The following ZNF215 variants were observed in gnomAD, a reference collection of about 807,000 sequenced individuals.
ZNF215 encodes the protein zinc finger protein 215.
In ZNF215, 24 loss-of-function variants were observed where a neutral mutation model predicts 27.2. The observed-to-expected ratio is 0.88, with a 90% CI of 0.64 to 1.24. The LOEUF is 1.24. ZNF215 is among the 50% of genes most tolerant of loss of function. The pLI is 0.00. For missense variants in ZNF215, 675 were observed against 605.7 expected (o/e 1.11, Z -1.20); for synonymous variants, 210 against 204.0 (o/e 1.03, Z -0.25).
downstream of ZNF215, among the ~76,000 whole-genome samples, chr11:6,987,837 C>T (rs1340940876): frequency 6.6e-6 from 1 of 152,160 alleles, no homozygotes; most frequent in Non-Finnish European, 1.5e-5. Context: ...AACCCCACCT[C>T]TGACAAATTA....
At chr11:6,949,602 A>G (rs953018795) in intron 6 of ZNF215, among the ~76,000 whole-genome samples, 5 of 151,930 alleles carry the variant, frequency 3.3e-5, no homozygotes, top group East Asian at 3.9e-4. Context: ...TTGTAAATTT[A>G]TTTGAGTTCA....
At chr11:6,964,831 G>T (rs1438119493) in intron 5 of ZNF215, among the ~76,000 whole-genome samples, 1 of 151,816 alleles carries the variant, frequency 6.6e-6, no homozygotes, top group Non-Finnish European at 1.5e-5. Context: ...TTTTGTATAT[G>T]TGTCTTTTAA....
intron 6 of ZNF215, among the ~76,000 whole-genome samples, chr11:6,954,723 C>A (rs939752194): frequency 6.6e-6 from 1 of 152,208 alleles, no homozygotes; most frequent in Non-Finnish European, 1.5e-5. Flanking sequence ...TCGGCTTGCG[C>A]AGGGTGCACT....
At chr11:6,990,049 C>G (rs982502362), downstream of ZNF215, among the ~76,000 whole-genome samples, 2 of 152,194 alleles carry the variant, frequency 1.3e-5, no homozygotes, top group African/African-American at 4.8e-5. Flanking sequence ...CCAATCAGAT[C>G]ATGCTTCATT....
At position 6,943,606 on chromosome 11, in the gene ZNF215, T is replaced by A; in HGVS notation, c.677T>A (p.Ile226Lys). The A allele has an allele frequency of 6.2e-7, 1 of 1,614,006 alleles. No individual in the cohort carries two copies. Reference sequence around the variant, plus strand: ...TTGGAGAGTAAGAAAAAAAGATGGATAATGGAGAAAGAAATACCAAGGAAG... The same window carrying A: ...TTGGAGAGTAAGAAAAAAAGATGGAAAATGGAGAAAGAAATACCAAGGAAG... The part of the protein sequence containing the change: ...LKLESKKKRW[I>K]MEKEIPRKTI... The change falls in exon 6 of 7, where the codon ATA becomes AAA. Residue 226 changes from isoleucine (I) to lysine (K), a missense_variant. Ile to Lys is a moderately radical substitution (Grantham distance 102). Coordinates refer to ENST00000278319, the MANE Select transcript of ZNF215 (RefSeq NM_013250.4).
At chr11:6,984,597 T>G (rs1368650702) in exon 6 of ZNF215, 1 of 152,238 alleles carries the variant, frequency 6.6e-6, no homozygotes, top group Non-Finnish European at 1.5e-5. Context: ...ATATTGTGCA[T>G]ATACTGAAAT....
chr11:6,932,365 G>T lies in ZNF215; in HGVS notation c.93G>T (p.Trp31Cys), dbSNP rs201728795. ...AGGTTCTGAGAGCAGATATGTCTTG[G>T]CAGCAGGAAACCAACCCCGTCGTGG... is the stretch of plus-strand genomic sequence containing the variant. ...QREVLRADMS[W>C]QQETNPVVET... is the part of the protein sequence containing the mutation. Residue 31 changes from tryptophan (W) to cysteine (C), a missense_variant, in exon 3 of 7, where the codon TGG (tryptophan) becomes TGT (cysteine). Trp to Cys is a radical substitution (Grantham distance 215, BLOSUM62 -2). Transcript: ENST00000278319. 6.2e-7 allele frequency: 1 copy of T among 1,614,152 alleles called. No homozygotes were observed. The highest frequency in any genetic ancestry group is 1.3e-5 in the African/African-American group (1 of 75,010).
intron 5 of ZNF215, among the ~76,000 whole-genome samples, chr11:6,964,311 A>G (rs1008912544): frequency 2.0e-5 from 3 of 152,016 alleles, no homozygotes; most frequent in African/African-American, 7.2e-5. Context: ...CATTTTATCA[A>G]TTGTTTCTCT....
chr11:6,949,392 A>G (rs1849958299), intron 6 of ZNF215, among the ~76,000 whole-genome samples: 1 of 152,072 alleles, frequency 6.6e-6, no homozygotes, highest in Non-Finnish European at 1.5e-5. Flanking sequence ...CTGTTTCTCC[A>G]CATCCTCTCC....
intron 2 of ZNF215, 32 bp from the exon 3 acceptor site, chr11:6,932,062 T>C (rs1849281499): frequency 1.9e-6 from 1 of 525,586 alleles, no homozygotes; most frequent in East Asian, 2.9e-5. Context: ...TAGATGTTTG[T>C]TCCCTGTGGG....
At position 6,956,100 on chromosome 11, in the gene ZNF215, A is replaced by G; in HGVS notation, c.1123A>G (p.Thr375Ala). 6.2e-7 allele frequency: 1 copy of G among 1,613,436 alleles called. No individual in the cohort carries two copies. Among genetic ancestry groups the G allele is most frequent in the Non-Finnish European group, 8.5e-7 (1 of 1,179,904 alleles). ...TATTCGACACCAAAAAAGTCATACTACAATGAATTCCTATGAATGTTATCA... is the reference window on the plus strand; with the variant it reads ...TATTCGACACCAAAAAAGTCATACTGCAATGAATTCCTATGAATGTTATCA... ...TDIRHQKSHT[T>A]MNSYECYQCG... Residue 375 changes from threonine (T) to alanine (A), a missense_variant, in exon 7 of 7, where the codon ACA (threonine) becomes GCA (alanine). Thr to Ala is a moderately conservative substitution (Grantham distance 58, BLOSUM62 0). Transcript: ENST00000278319.
At chr11:6,952,645 G>T (rs1361430203) in intron 6 of ZNF215, among the ~76,000 whole-genome samples, 1 of 151,920 alleles carries the variant, frequency 6.6e-6, no homozygotes, top group African/African-American at 2.4e-5. Context: ...CATGAGATGG[G>T]TTTCCTGAAT....
intron 5 of ZNF215, among the ~76,000 whole-genome samples, chr11:6,972,220 T>C (rs1172100035): frequency 1.3e-5 from 2 of 152,074 alleles, no homozygotes; most frequent in Non-Finnish European, 2.9e-5. Context: ...GTAAATATTT[T>C]AGACTTTATA....
At chr11:6,950,417 G>A (rs1850007255) in intron 6 of ZNF215, among the ~76,000 whole-genome samples, 2 of 152,060 alleles carry the variant, frequency 1.3e-5, no homozygotes, top group South Asian at 4.2e-4. Flanking sequence ...TTGAGCAGTG[G>A]TTTGTAGTTC....
rs867216298 is a variant in ZNF215, at chr11:6,980,733, A to G, written c.806-3396A>G. On this transcript the variant is annotated intron_variant, in intron 5 of 5. Coordinates refer to the ZNF215 transcript ENST00000529903. ...ATTAACTCGTCATTTAGCATTAGGT[A>G]TATCTCCTAAAGCTATCCCTCCCCC... 9.6e-3 allele frequency among the ~76,000 whole-genome samples: 1,404 copies of G among 146,530 alleles called. 26 individuals carry two copies. Among genetic ancestry groups the G allele is most frequent in the African/African-American group, 0.033 (1,333 of 39,966 alleles).
At chr11:6,949,833 C>T (rs1445725135) in intron 6 of ZNF215, among the ~76,000 whole-genome samples, 4 of 151,214 alleles carry the variant, frequency 2.6e-5, no homozygotes, top group Admixed American at 2.0e-4. Flanking sequence ...ATGGTAATGC[C>T]TAGGTTTTCT....
At position 6,977,564 on chromosome 11, in the gene ZNF215, A is replaced by G. The variant is rs139356430; in HGVS notation, c.806-6565A>G. Among the ~76,000 whole-genome samples the G allele has an allele frequency of 4.1e-3, 621 of 152,046 alleles. 7 individuals carry two copies. The highest frequency in any genetic ancestry group is 0.013 in the African/African-American group (541 of 41,494). ...GACTATTAGAGTGGGCCATAATCCA[A>G]TCTGTCTGGTATCCTTGTAAGAAGA... is the stretch of plus-strand genomic sequence containing the variant. On this transcript the variant is annotated intron_variant, in intron 5 of 5. Coordinates refer to the ZNF215 transcript ENST00000529903.
At chr11:6,964,055 C>T (rs1026001055) in intron 5 of ZNF215, among the ~76,000 whole-genome samples, 1 of 152,000 alleles carries the variant, frequency 6.6e-6, no homozygotes, top group Non-Finnish European at 1.5e-5. Flanking sequence ...ATTATCACTT[C>T]AATTTGCATT....
chr11:6,966,683 T>A (rs1165571796), intron 5 of ZNF215, among the ~76,000 whole-genome samples: 6 of 152,084 alleles, frequency 3.9e-5, no homozygotes, highest in Admixed American at 3.9e-4. Flanking sequence ...GTTTATCATT[T>A]TCATTGATTA....
Sources: gnomAD v4.1 joint callset for allele counts (sites outside exome capture counted in the v4.1 genomes callset) on GRCh38, gnomAD v4.1.1 for gene constraint, MANE v1.5 for transcripts, NCBI Gene and HGNC (gene_info 2026-07-23, HGNC 2026-07-21) for gene names.